Variants in UCP2 observed in about 807,000 individuals in gnomAD.
UCP2 encodes dicarboxylate carrier SLC25A8.
A neutral mutation model predicts 31.3 loss-of-function variants in UCP2; 27 were observed. The ratio of observed to expected loss-of-function variants is 0.86; its 90% confidence interval spans 0.64 to 1.19. The LOEUF is 1.19. UCP2 is among the 50% of genes most tolerant of loss of function. The pLI is 0.00. For synonymous variants in UCP2, 142 were observed against 157.4 expected (o/e 0.90, Z 0.73); for missense variants, 377 against 413.5 (o/e 0.91, Z 0.76).
chr11:73,980,202 T>C (rs1411384447), intron 2 of UCP2: 3 of 152,228 alleles, frequency 2.0e-5, no homozygotes, highest in African/African-American at 7.2e-5. Context: ...TTTGACTTCA[T>C]TGGAGCAGCT....
At chr11:73,975,856 G>A (rs770093498) in intron 6 of UCP2, among the ~76,000 whole-genome samples, 185 bp from the exon 7 acceptor site, 2 of 152,174 alleles carry the variant, frequency 1.3e-5, no homozygotes, top group Non-Finnish European at 2.9e-5. Flanking sequence ...TTGAGCCCAG[G>A]AGTTCAAGAC....
chr11:73,978,278 A>G lies in UCP2; in HGVS notation c.101T>C (p.Leu34Pro). ...CTGTAACCGGACTTTAGCAGTATCC[A>G]GAGGAAAGGTGATGAGATCTGCGAT... Reference protein sequence around the residue: ...ACIADLITFPLDTAKVRLQIQ... With the variant: ...ACIADLITFPPDTAKVRLQIQ... Residue 34 changes from leucine to proline, a missense_variant, in exon 3 of 8, where the codon CTG becomes CCG. Transcript: ENST00000663595. 6.2e-7 allele frequency: 1 copy of G among 1,614,224 alleles called. No homozygotes were observed. The highest frequency in any genetic ancestry group is 8.5e-7 in the Non-Finnish European group (1 of 1,180,046).
intron 6 of UCP2, among the ~76,000 whole-genome samples, chr11:73,976,415 G>A (rs995682129): frequency 6.6e-6 from 1 of 152,192 alleles, no homozygotes; most frequent in African/African-American, 2.4e-5. Context: ...GACATCTTCT[G>A]AGGACCTGAA....
chr11:73,977,636 T>A (rs1951375423), intron 4 of UCP2, among the ~76,000 whole-genome samples: 1 of 152,012 alleles, frequency 6.6e-6, no homozygotes. Context: ...TCTTCTTCTA[T>A]AACACTGGGA....
At chr11:73,977,157 C>G in intron 4 of UCP2, 140 bp from the exon 5 acceptor site, 2 of 860,450 alleles carry the variant, frequency 2.3e-6, no homozygotes, top group South Asian at 3.6e-5. Context: ...TCTACAAGCT[C>G]TTGCTGTAAG....
At chr11:73,982,857 G>A (rs1951485509), upstream of UCP2, 1 of 152,480 alleles carries the variant, frequency 6.6e-6, no homozygotes, top group African/African-American at 2.4e-5. Context: ...GCTCCGCGCA[G>A]GCGGCGGCGC....
chr11:73,976,158 A>C (rs1317333157), intron 6 of UCP2, among the ~76,000 whole-genome samples: 1 of 152,182 alleles, frequency 6.6e-6, no homozygotes, highest in Non-Finnish European at 1.5e-5. Context: ...TGAGGCCAGG[A>C]GTTCGAGACC....
At chr11:73,978,168 C>T (rs1282029296) in intron 3 of UCP2, 72 bp from the exon 4 acceptor site, 4 of 1,613,778 alleles carry the variant, frequency 2.5e-6, no homozygotes, top group Non-Finnish European at 3.4e-6. Flanking sequence ...TCTCGATGCT[C>T]CAAACACTGG....
intron 2 of UCP2, among the ~76,000 whole-genome samples, chr11:73,979,284 C>T (rs535470634): frequency 3.9e-5 from 6 of 152,246 alleles, no homozygotes; most frequent in Non-Finnish European, 7.3e-5. Context: ...TGGTGGCTCA[C>T]GCCTGTAAAC....
intron 4 of UCP2, 114 bp downstream of exon 4, chr11:73,977,772 C>T: frequency 7.1e-7 from 1 of 1,416,386 alleles, no homozygotes; most frequent in Non-Finnish European, 9.7e-7. Context: ...TTCTCTGTTC[C>T]CCTGATCTTC....
In UCP2 at chr11:73,975,127, G is replaced by A. The variant is rs767302700; in HGVS notation, c.816-6C>T. 2.5e-6 allele frequency: 4 copies of A among 1,608,564 alleles called. No individual in the cohort carries two copies. In the East Asian group the frequency reaches 9.0e-5, roughly 36 times the overall value. ...GGAGAAAGGAGGGCATGAACCTAGA[G>A]GAGAAAAATCACAGGTCATGGGGGC... On this transcript the variant is annotated splice_polypyrimidine_tract_variant and splice_region_variant and intron_variant, in intron 7 of 7. Coordinates refer to ENST00000663595, the MANE Select transcript of UCP2 (RefSeq NM_003355.3).
intron 7 of UCP2, 94 bp downstream of exon 7, chr11:73,975,397 T>C: frequency 7.1e-7 from 1 of 1,413,078 alleles, no homozygotes; most frequent in Non-Finnish European, 9.7e-7. Context: ...TAGTCACACT[T>C]GGCTGCTACT....
At chr11:73,981,921 G>A (rs1277245924) in intron 1 of UCP2, among the ~76,000 whole-genome samples, 1 of 152,152 alleles carries the variant, frequency 6.6e-6, no homozygotes, top group Non-Finnish European at 1.5e-5. Context: ...TGGTGAGTGG[G>A]AGAGTTGTGA....
At chr11:73,979,536 ACT>A (rs1442993283) in intron 2 of UCP2, among the ~76,000 whole-genome samples, 2 of 151,518 alleles carry the variant, frequency 1.3e-5, no homozygotes, top group African/African-American at 2.4e-5. Context: ...ACAGAGCAAG[ACT>A]CTGTTTCAAA....
intron 4 of UCP2, 46 bp downstream of exon 4, chr11:73,977,840 C>T (rs1565183966): frequency 6.2e-7 from 1 of 1,612,106 alleles, no homozygotes; most frequent in East Asian, 2.2e-5. Flanking sequence ...TCAATCATCA[C>T]TGAGAAAAAA....
rs556448485 is a variant in UCP2, at chr11:73,975,579, T to G, written c.727A>C (p.Met243Leu). 1.9e-6 allele frequency: 3 copies of G among 1,614,056 alleles called. No homozygotes were observed. Among genetic ancestry groups the G allele is most frequent in the Non-Finnish European group, 2.5e-6 (3 of 1,180,038 alleles). The change falls in exon 7 of 8, where the codon ATG becomes CTG. Residue 243 changes from methionine to leucine, a missense_variant. Transcript: ENST00000663595. ...SPVDVVKTRY[M>L]NSALGQYSSA... ...CTGTACTGGCCCAGGGCAGAGTTCA[T>G]GTATCTCGTCTTGACCACGTCTACA...
At chr11:73,981,808 C>G (rs908788949) in intron 1 of UCP2, among the ~76,000 whole-genome samples, 176 bp from the exon 2 acceptor site, 1 of 152,022 alleles carries the variant, frequency 6.6e-6, no homozygotes, top group African/African-American at 2.4e-5. Flanking sequence ...CTCCCCACCC[C>G]CACCCCACCT....
Position 73,977,924 on chromosome 11 carries a change from T to C in UCP2, c.299A>G (p.Tyr100Cys). ...GGTGTAGAACTGTTTGACAGAATCA[T>C]ACAGGCCGATGCGGACAGAGGCAAA... Reference protein sequence around the residue: ...MSFASVRIGLYDSVKQFYTKG... With the variant: ...MSFASVRIGLCDSVKQFYTKG... The change falls in exon 4 of 8, where the codon TAT (tyrosine) becomes TGT (cysteine). Residue 100 changes from tyrosine to cysteine, a missense_variant. Tyr to Cys is a radical substitution (Grantham distance 194). Transcript: ENST00000663595. 6.2e-7 allele frequency: 1 copy of C among 1,614,206 alleles called. No homozygotes were observed. The highest frequency in any genetic ancestry group is 8.5e-7 in the Non-Finnish European group (1 of 1,180,034).
chr11:73,975,580 G>A lies in UCP2; in HGVS notation c.726C>T (p.Tyr242=), dbSNP rs1000601942. The A allele has an allele frequency of 1.4e-5, 23 of 1,614,196 alleles. No homozygotes were observed. The highest frequency in any genetic ancestry group is 1.9e-5 in the Non-Finnish European group (23 of 1,180,038). Residue 242 remains tyrosine, a synonymous_variant, in exon 7 of 8, where the codon TAC becomes TAT. Transcript: ENST00000663595. ...TGTACTGGCCCAGGGCAGAGTTCAT[G>A]TATCTCGTCTTGACCACGTCTACAG... ...ASPVDVVKTR[Y]MNSALGQYSS... is the part of the protein sequence containing the mutation.
Sources: allele counts gnomAD v4.1 joint callset (sites outside exome capture counted in the v4.1 genomes callset), GRCh38; gene constraint gnomAD v4.1.1; transcripts MANE v1.5; gene names NCBI Gene and HGNC (gene_info 2026-07-23, HGNC 2026-07-21).